Variants in DNAAF9 observed in about 807,000 individuals in gnomAD.
DNAAF9 encodes dynein axonemal assembly factor 9.
In DNAAF9, 90 loss-of-function variants were observed where a neutral mutation model predicts 167.0. That is an observed-to-expected ratio of 0.54 (90% CI 0.45 to 0.64). The LOEUF (loss-of-function observed/expected upper bound fraction) is 0.64, where lower values mean the gene tolerates loss of function less well. Ranked by LOEUF, DNAAF9 falls within the 30% of genes least tolerant of loss-of-function variation. DNAAF9 has a pLI of 0.00. For synonymous variants in DNAAF9, 491 were observed against 508.8 expected (o/e 0.96, Z 0.47); for missense variants, 1,315 against 1,442.2 (o/e 0.91, Z 1.43).
chr20:3,265,115 C>A (rs935464726), intron 30 of DNAAF9, among the ~76,000 whole-genome samples: 4 of 152,096 alleles, frequency 2.6e-5, no homozygotes, highest in Middle Eastern at 3.2e-3. Flanking sequence ...AAATGCAGAA[C>A]CTCAGCCCCC....
intron 20 of DNAAF9, among the ~76,000 whole-genome samples, chr20:3,311,894 T>C (rs2069419553): frequency 6.6e-6 from 1 of 152,078 alleles, no homozygotes; most frequent in Non-Finnish European, 1.5e-5. Context: ...AAGCAAGACA[T>C]CTTGTGATAG....
intron 6 of DNAAF9, chr20:3,361,755 G>T: frequency 1.1e-6 from 1 of 885,992 alleles, no homozygotes; most frequent in Non-Finnish European, 1.7e-6. Context: ...TCCTTTGAAT[G>T]GGAGCTTCCT....
chr20:3,381,053 C>T (rs2083643794), intron 3 of DNAAF9, among the ~76,000 whole-genome samples: 1 of 152,198 alleles, frequency 6.6e-6, no homozygotes, highest in African/African-American at 2.4e-5. Flanking sequence ...CACAGGACAA[C>T]ACCATGTAAT....
intron 28 of DNAAF9, among the ~76,000 whole-genome samples, chr20:3,280,149 CA>C (rs1402150481): frequency 3.3e-5 from 5 of 152,098 alleles, no homozygotes; most frequent in Non-Finnish European, 7.3e-5. Flanking sequence ...TAAGCAGGGT[CA>C]AAGGGGCTGG....
At chr20:3,382,692 T>G (rs1180196759) in intron 1 of DNAAF9, among the ~76,000 whole-genome samples, 186 bp from the exon 2 acceptor site, 1 of 152,164 alleles carries the variant, frequency 6.6e-6, no homozygotes, top group Non-Finnish European at 1.5e-5. Context: ...CTCTTTTATT[T>G]TCTGGAAGAG....
intron 7 of DNAAF9, among the ~76,000 whole-genome samples, chr20:3,349,024 A>G (rs542571091): frequency 1.3e-5 from 2 of 151,936 alleles, no homozygotes; most frequent in South Asian, 4.2e-4. Context: ...AAATGGATGA[A>G]TATTATGGTA....
At chr20:3,255,809 T>C (rs924167597) in intron 34 of DNAAF9, among the ~76,000 whole-genome samples, 197 bp downstream of exon 34, 6 of 152,130 alleles carry the variant, frequency 3.9e-5, no homozygotes, top group Non-Finnish European at 5.9e-5. Flanking sequence ...GCAAACAACA[T>C]AGCAGGCCTG....
chr20:3,359,542 T>A lies in DNAAF9; in HGVS notation c.664A>T (p.Met222Leu). Residue 222 changes from methionine to leucine, a missense_variant, in exon 7 of 37, where the codon ATG becomes TTG. By Grantham distance (15) the Met-to-Leu change is conservative. This residue lies in a region of DNAAF9 where 981 missense variants were observed against 1,012.5 expected (regional missense o/e 0.97). Coordinates refer to ENST00000252032, the MANE Select transcript of DNAAF9 (RefSeq NM_001009984.3). ...TCTGAAAGCAAACTCTCCAGAGACA[T>A]AGGATCCATCTTGCTGTAGACATTC... is the stretch of plus-strand genomic sequence containing the variant. ...LWNVYSKMDP[M>L]SLESLLSDDL... is the part of the protein sequence containing the mutation. The A allele has an allele frequency of 6.2e-7, 1 of 1,612,316 alleles. No homozygotes were observed.
chr20:3,380,293 A>C (rs2083630747), intron 3 of DNAAF9, among the ~76,000 whole-genome samples: 1 of 152,240 alleles, frequency 6.6e-6, no homozygotes, highest in Non-Finnish European at 1.5e-5. Context: ...TTGTAATGGA[A>C]GGAGTAATTT....
At chr20:3,292,331 TATGCTTTACAAACAG>T (rs1036739228) in intron 25 of DNAAF9, among the ~76,000 whole-genome samples, 4 of 152,174 alleles carry the variant, frequency 2.6e-5, no homozygotes, top group African/African-American at 9.7e-5. Context: ...AACAAGTAGG[TATGCTTTACAAACAG>T]ATGCTTTACA....
intron 31 of DNAAF9, among the ~76,000 whole-genome samples, chr20:3,261,604 G>A (rs1336894405): frequency 6.6e-6 from 1 of 151,792 alleles, no homozygotes; most frequent in Non-Finnish European, 1.5e-5. Flanking sequence ...CTGACCTCGT[G>A]ATCCACCCAC....
Position 3,250,831 on chromosome 20 carries a change from G to A in DNAAF9, c.*1741C>T, listed in dbSNP as rs6051677. On this transcript the variant is annotated 3_prime_UTR_variant, in exon 37 of 37. Transcript: ENST00000252032. ...TCCCACCCCCCAACCCCTTTTCTAAGGCTGCTCAAGTTTGAGTTTTTAAAA... is the reference window on the plus strand; with the variant it reads ...TCCCACCCCCCAACCCCTTTTCTAAAGCTGCTCAAGTTTGAGTTTTTAAAA... 3 of 152,114 alleles carry A rather than the reference G, an allele frequency of 2.0e-5. No homozygotes were observed. Among genetic ancestry groups the A allele is most frequent in the Non-Finnish European group, 2.9e-5 (2 of 68,034 alleles). 9.4% of individuals were successfully genotyped at this position (152,114 alleles called of 1,614,324 possible). A position where few individuals can be genotyped will look rare whatever the true frequency, so the allele number is the denominator to read the frequency against.
intron 31 of DNAAF9, among the ~76,000 whole-genome samples, chr20:3,261,957 C>T (rs151203220): frequency 8.9e-4 from 135 of 152,004 alleles, no homozygotes; most frequent in Non-Finnish European, 1.5e-3. Flanking sequence ...AGGGTGGATG[C>T]GAACAGAGAA....
chr20:3,303,030 A>C (rs370361512), intron 21 of DNAAF9, among the ~76,000 whole-genome samples: 1 of 152,120 alleles, frequency 6.6e-6, no homozygotes, highest in African/African-American at 2.4e-5. Context: ...CGAGGTCAGG[A>C]GATCGAGACT....
intron 12 of DNAAF9, among the ~76,000 whole-genome samples, chr20:3,328,835 TAC>T (rs2069764649): frequency 6.6e-6 from 1 of 150,546 alleles, no homozygotes; most frequent in East Asian, 2.0e-4. Flanking sequence ...TACATACACA[TAC>T]ACACACACGT....
rs750364423 is a variant in DNAAF9, at chr20:3,382,454, G to A, written c.136C>T (p.Arg46Trp). Reference protein sequence around the residue: ...QSILTQSSKSRPDGILCILGI... With the variant: ...QSILTQSSKSWPDGILCILGI... ...AGGATGCAGAGGATCCCATCCGGCC[G>A]AGACTTGCTGCTCTGGGTCAGGATG... The change falls in exon 2 of 37, where the codon CGG (arginine) becomes TGG (tryptophan). Residue 46 changes from arginine to tryptophan, a missense_variant. Coordinates refer to ENST00000252032, the MANE Select transcript of DNAAF9 (RefSeq NM_001009984.3). 9.3e-6 allele frequency: 15 copies of A among 1,613,744 alleles called. No individual in the cohort carries two copies. In the African/African-American group the frequency reaches 1.1e-4, roughly 11 times the overall value.
chr20:3,278,794 G>A (rs1035348909), intron 29 of DNAAF9, 118 bp downstream of exon 29: 2 of 818,524 alleles, frequency 2.4e-6, no homozygotes, highest in Non-Finnish European at 4.3e-6. Context: ...AGTTTTTTCT[G>A]ACCAATTTTG....
At chr20:3,300,627 T>A (rs2069167287) in intron 21 of DNAAF9, among the ~76,000 whole-genome samples, 1 of 149,822 alleles carries the variant, frequency 6.7e-6, no homozygotes, top group Admixed American at 6.7e-5. Flanking sequence ...ATTTAAAAAA[T>A]TTTTGAGGCT....
chr20:3,354,326 T>C (rs1420507759), intron 7 of DNAAF9, among the ~76,000 whole-genome samples: 1 of 152,216 alleles, frequency 6.6e-6, no homozygotes, highest in Non-Finnish European at 1.5e-5. Context: ...AAGTTTATCA[T>C]TCAGATTCTT....
Sources: allele counts gnomAD v4.1 joint callset (sites outside exome capture counted in the v4.1 genomes callset), GRCh38; gene constraint gnomAD v4.1.1; regional missense constraint gnomAD v4.1.1; transcripts MANE v1.5; gene names NCBI Gene and HGNC (gene_info 2026-07-23, HGNC 2026-07-21).